SNTG2: variants seen among roughly 807,000 people sequenced by gnomAD.
SNTG2 encodes syntrophin gamma 2.
In SNTG2, 74 loss-of-function variants were observed where a neutral mutation model predicts 70.9. The ratio of observed to expected loss-of-function variants is 1.04; its 90% CI spans 0.86 to 1.27. The LOEUF (loss-of-function observed/expected upper bound fraction) is 1.27. Ranked by LOEUF, SNTG2 falls within the 50% of genes most tolerant of loss-of-function variation. The probability of loss-of-function intolerance (pLI) is 0.00; values close to 1 mark genes in which losing one functional copy is unlikely to be tolerated. For missense variants in SNTG2, 717 were observed against 690.7 expected, an observed-to-expected ratio of 1.04 and a Z score of -0.43; for synonymous variants, 278 against 273.8, an observed-to-expected ratio of 1.02 and a Z score of -0.15.
chr2:1,355,419 C>T (rs944840319), intron 16 of SNTG2, among the ~76,000 whole-genome samples: 28 of 152,186 alleles, frequency 1.8e-4, no homozygotes, highest in African/African-American at 6.8e-4. Context: ...TGTTAGATTC[C>T]ATATATAAGT....
intron 16 of SNTG2, chr2:1,346,269 A>AC (rs564414574): frequency 0.042 from 5,957 of 142,488 alleles, 924 homozygotes; most frequent in African/African-American, 0.17. Flanking sequence ...CGATAGGGCC[A>AC]CCCTCCACCC....
chr2:989,496 G>A (rs1661426914), intron 1 of SNTG2, among the ~76,000 whole-genome samples: 1 of 152,142 alleles, frequency 6.6e-6, no homozygotes, highest in African/African-American at 2.4e-5. Flanking sequence ...GTCTGATATG[G>A]TGTATCACAT....
chr2:1,138,665 G>A (rs1356393264), intron 6 of SNTG2, among the ~76,000 whole-genome samples: 2 of 152,152 alleles, frequency 1.3e-5, no homozygotes, highest in African/African-American at 4.8e-5. Flanking sequence ...CAGGACACAC[G>A]CCTGGGGCCC....
chr2:1,158,182 A>T (rs1043817739), intron 6 of SNTG2: 24 of 152,364 alleles, frequency 1.6e-4, no homozygotes, highest in African/African-American at 5.3e-4. Context: ...CTAATAAAAT[A>T]TAATAAAAGT....
intron 14 of SNTG2, among the ~76,000 whole-genome samples, chr2:1,299,122 T>G (rs1403662601): frequency 1.3e-5 from 2 of 152,196 alleles, no homozygotes; most frequent in Non-Finnish European, 2.9e-5. Flanking sequence ...TACAAGATAC[T>G]TTTATCCCAT....
intron 11 of SNTG2, among the ~76,000 whole-genome samples, chr2:1,246,453 C>G (rs943080665): frequency 6.6e-6 from 1 of 152,198 alleles, no homozygotes; most frequent in Non-Finnish European, 1.5e-5. Flanking sequence ...GAGGGCACTT[C>G]GTGGGTGCAT....
chr2:1,235,922 C>T (rs978460160), intron 9 of SNTG2, among the ~76,000 whole-genome samples: 1 of 152,130 alleles, frequency 6.6e-6, no homozygotes, highest in Admixed American at 6.5e-5. Flanking sequence ...GACTGTTTAT[C>T]GAGGTGTTCA....
At chr2:1,283,268 T>G (rs1679631589) in intron 14 of SNTG2, among the ~76,000 whole-genome samples, 1 of 152,170 alleles carries the variant, frequency 6.6e-6, no homozygotes, top group African/African-American at 2.4e-5. Context: ...CCAATCTTCT[T>G]GGCCTGACCC....
chr2:1,019,361 C>G (rs1380569597), intron 1 of SNTG2, among the ~76,000 whole-genome samples: 4 of 152,110 alleles, frequency 2.6e-5, no homozygotes, highest in African/African-American at 9.7e-5. Flanking sequence ...TCCTGATTCA[C>G]GTGGCAATGT....
chr2:987,588 C>T (rs62106776), intron 1 of SNTG2, among the ~76,000 whole-genome samples: 10,682 of 152,124 alleles, frequency 0.07, 573 homozygotes, highest in South Asian at 0.2. Context: ...AAGATTCTCC[C>T]GAGAACTCTG....
intron 2 of SNTG2, among the ~76,000 whole-genome samples, chr2:1,088,232 ATAACT>A (rs1159432742): frequency 7.2e-5 from 11 of 152,202 alleles, no homozygotes; most frequent in Admixed American, 3.3e-4. Flanking sequence ...TTTTCTGTTG[ATAACT>A]TTATTGACAA....
intron 1 of SNTG2, among the ~76,000 whole-genome samples, chr2:1,002,537 A>G (rs1659429493): frequency 6.6e-6 from 1 of 152,180 alleles, no homozygotes; most frequent in East Asian, 1.9e-4. Flanking sequence ...AATGCAAATT[A>G]AAACCACAAT....
intron 1 of SNTG2, among the ~76,000 whole-genome samples, chr2:1,067,372 A>G (rs1434834915): frequency 6.6e-6 from 1 of 152,172 alleles, no homozygotes; most frequent in East Asian, 1.9e-4. Flanking sequence ...TTACAAAAAC[A>G]TATATTTACA....
rs768615052 is a variant in SNTG2 at position 1,091,355 on chromosome 2, G to A, written c.211-6841G>A. Among the ~76,000 whole-genome samples the A allele has an allele frequency of 6.6e-5, 10 of 152,302 alleles. No individual in the cohort carries two copies. In the East Asian group the frequency reaches 1.9e-3, roughly 29 times the overall value. ...GCCAGGCCCATCAGTACAGGGGCTG[G>A]GGGAGGACAGCTTAGGGTGGAAAAG... On this transcript the variant is annotated intron_variant, in intron 2 of 16. Transcript: ENST00000308624.
chr2:1,303,745 A>G (rs988527889), intron 14 of SNTG2, among the ~76,000 whole-genome samples: 1 of 152,226 alleles, frequency 6.6e-6, no homozygotes, highest in Non-Finnish European at 1.5e-5. Context: ...AGAAAAAGAG[A>G]AGACAAAAAT....
chr2:1,340,590 C>A (rs1296327674), intron 16 of SNTG2, among the ~76,000 whole-genome samples: 3 of 152,200 alleles, frequency 2.0e-5, no homozygotes, highest in African/African-American at 7.2e-5. Context: ...TGAAATATCT[C>A]TAATGTAAGT....
intron 1 of SNTG2, among the ~76,000 whole-genome samples, chr2:1,004,299 A>G (rs1659499185): frequency 2.0e-5 from 3 of 152,256 alleles, no homozygotes; most frequent in Non-Finnish European, 2.9e-5. Flanking sequence ...TATGACATCA[A>G]AAGTACAATC....
intron 4 of SNTG2, among the ~76,000 whole-genome samples, chr2:1,106,048 A>G (rs13390538): frequency 0.36 from 36,341 of 101,916 alleles, 3,911 homozygotes; most frequent in East Asian, 0.41. Flanking sequence ...GGTGCAGGGT[A>G]TGGAGAGCTC....
chr2:1,243,126 C>T (rs576033790), intron 11 of SNTG2, among the ~76,000 whole-genome samples: 1 of 152,202 alleles, frequency 6.6e-6, no homozygotes, highest in African/African-American at 2.4e-5. Flanking sequence ...TTTAATTAAG[C>T]TCATGCAACT....
Sources: allele counts gnomAD v4.1 joint callset (sites outside exome capture counted in the v4.1 genomes callset), GRCh38; gene constraint gnomAD v4.1.1; transcripts MANE v1.5; gene names NCBI Gene and HGNC (gene_info 2026-07-23, HGNC 2026-07-21).